RARB: variants seen among roughly 807,000 people sequenced by gnomAD.
RARB encodes the protein HBV-activated protein.
Under a neutral mutation model 51.9 loss-of-function variants are expected in RARB, and 17 were observed. That is an observed-to-expected ratio of 0.33 (90% CI 0.22 to 0.49). The LOEUF is 0.49. RARB is among the 20% of genes least tolerant of loss of function. The probability of loss-of-function intolerance (pLI) is 0.99; values close to 1 mark genes in which losing one functional copy is unlikely to be tolerated. For missense variants in RARB, 369 were observed against 550.8 expected (o/e 0.67, Z 3.30); for synonymous variants, 215 against 195.4 (o/e 1.10, Z -0.84).
intron 2 of RARB, among the ~76,000 whole-genome samples, chr3:24,987,651 T>C (rs950308834): frequency 2.6e-5 from 4 of 152,220 alleles, no homozygotes; most frequent in Non-Finnish European, 4.4e-5. Context: ...GAAAAATATA[T>C]GGGAAGATTA....
At chr3:25,397,151 C>A (rs1343742325) in intron 5 of RARB, among the ~76,000 whole-genome samples, 1 of 152,202 alleles carries the variant, frequency 6.6e-6, no homozygotes, top group Non-Finnish European at 1.5e-5. Context: ...TACTGGCAGC[C>A]CTCCCCAAGG....
At chr3:24,988,071 G>C (rs541445608) in intron 2 of RARB, among the ~76,000 whole-genome samples, 1 of 151,972 alleles carries the variant, frequency 6.6e-6, no homozygotes, top group African/African-American at 2.4e-5. Context: ...TGGTTGAAAC[G>C]CTTGCTAGAT....
At chr3:25,192,603 G>T (rs1701129949) in intron 5 of RARB, among the ~76,000 whole-genome samples, 1 of 152,068 alleles carries the variant, frequency 6.6e-6, no homozygotes, top group Non-Finnish European at 1.5e-5. Context: ...TTCCCTAGCA[G>T]GCATTTGGAA....
intron 5 of RARB, among the ~76,000 whole-genome samples, chr3:25,267,316 A>G (rs1703149777): frequency 6.6e-6 from 1 of 152,212 alleles, no homozygotes. Context: ...ACAGCAGACA[A>G]TGGAAAGCCT....
At chr3:24,940,863 C>T (rs1695649989) in intron 2 of RARB, among the ~76,000 whole-genome samples, 1 of 152,116 alleles carries the variant, frequency 6.6e-6, no homozygotes, top group African/African-American at 2.4e-5. Flanking sequence ...GCTTTCCCAT[C>T]TTATATATTC....
chr3:24,930,733 G>C (rs1289090992), intron 2 of RARB, among the ~76,000 whole-genome samples: 1 of 152,044 alleles, frequency 6.6e-6, no homozygotes, highest in African/African-American at 2.4e-5. Context: ...ACCTGGCCAG[G>C]CATGGAAGCT....
intron 3 of RARB, among the ~76,000 whole-genome samples, chr3:25,559,166 G>T (rs1034617964): frequency 6.6e-6 from 1 of 151,998 alleles, no homozygotes; most frequent in African/African-American, 2.4e-5. Context: ...AGGCCTTTGC[G>T]CACATTGGTC....
intron 1 of RARB, among the ~76,000 whole-genome samples, chr3:25,453,372 C>T (rs903044517): frequency 6.6e-6 from 1 of 151,562 alleles, no homozygotes; most frequent in African/African-American, 2.4e-5. Context: ...CTCAGCCTCC[C>T]GAGTAGCTGG....
intron 2 of RARB, among the ~76,000 whole-genome samples, chr3:24,899,987 C>T (rs1036131373): frequency 4.6e-5 from 7 of 151,766 alleles, no homozygotes; most frequent in African/African-American, 7.3e-5. Flanking sequence ...GACATTTTTA[C>T]GATATAAGCA....
chr3:25,536,773 G>A (rs575477949), intron 3 of RARB, among the ~76,000 whole-genome samples: 1 of 152,176 alleles, frequency 6.6e-6, no homozygotes, highest in East Asian at 1.9e-4. Flanking sequence ...ACTGGGAGCA[G>A]AAATGGTGAA....
rs115465035 is a variant in RARB, at chr3:25,185,037, T to C, written c.178+10462T>C. On this transcript the variant is annotated intron_variant, in intron 5 of 11. Transcript: ENST00000383772. ...ATTCCATTAATTATGCATTCTAACT[T>C]CCAAAATGCAAAGGTCTTTCTACAT... is the stretch of plus-strand genomic sequence containing the variant. Among the ~76,000 whole-genome samples, 857 of 152,320 alleles carry C rather than the reference T, an allele frequency of 5.6e-3. 12 individuals are homozygous for C. Among genetic ancestry groups the C allele is most frequent in the African/African-American group, 0.019 (804 of 41,582 alleles).
At chr3:25,132,505 G>A (rs767851120) in intron 4 of RARB, among the ~76,000 whole-genome samples, 33 of 151,806 alleles carry the variant, frequency 2.2e-4, no homozygotes, top group Non-Finnish European at 3.8e-4. Context: ...CTTATTATAT[G>A]CTAGGCATTG....
At chr3:25,124,775 T>C (rs1050519109) in intron 3 of RARB, among the ~76,000 whole-genome samples, 4 of 152,192 alleles carry the variant, frequency 2.6e-5, no homozygotes, top group Non-Finnish European at 5.9e-5. Context: ...TTGTAGCACA[T>C]TGGTTTTATT....
At chr3:24,939,232 G>GGT (rs1559404060) in intron 2 of RARB, among the ~76,000 whole-genome samples, 1 of 151,976 alleles carries the variant, frequency 6.6e-6, no homozygotes, top group East Asian at 1.9e-4. Context: ...GATCTGAATG[G>GGT]GTGTTTAATT....
chr3:25,040,326 G>A (rs1188640177), intron 2 of RARB, among the ~76,000 whole-genome samples: 1 of 152,176 alleles, frequency 6.6e-6, no homozygotes, highest in East Asian at 1.9e-4. Flanking sequence ...TTGGGTTAAG[G>A]GGAAGCCAAT....
chr3:25,334,242 A>G (rs534937067), intron 5 of RARB, among the ~76,000 whole-genome samples: 28 of 152,314 alleles, frequency 1.8e-4, no homozygotes, highest in African/African-American at 6.0e-4. Context: ...TGTTTATTGC[A>G]GCACTATTCA....
chr3:25,254,873 C>T (rs1455835846), intron 5 of RARB, among the ~76,000 whole-genome samples: 1 of 151,912 alleles, frequency 6.6e-6, no homozygotes, highest in Admixed American at 6.6e-5. Context: ...GCTTGGTGTT[C>T]TTGTGTTTGG....
intron 3 of RARB, among the ~76,000 whole-genome samples, chr3:25,131,050 TTTA>T (rs1474882952): frequency 2.0e-5 from 3 of 151,274 alleles, no homozygotes; most frequent in East Asian, 3.9e-4. Context: ...CTTATCAATA[TTTA>T]TTATTATTTC....
At chr3:24,949,896 G>A (rs943742924) in intron 2 of RARB, among the ~76,000 whole-genome samples, 6 of 152,144 alleles carry the variant, frequency 3.9e-5, no homozygotes, top group African/African-American at 1.2e-4. Context: ...GCCTACATTG[G>A]CACTGGTAAG....
Sources: gnomAD v4.1 joint callset for allele counts (sites outside exome capture counted in the v4.1 genomes callset) on GRCh38, gnomAD v4.1.1 for gene constraint, MANE v1.5 for transcripts, NCBI Gene and HGNC (gene_info 2026-07-23, HGNC 2026-07-21) for gene names.